Variants in HERC2 observed in about 807,000 individuals in gnomAD.
HERC2 encodes HECT and RLD domain containing E3 ubiquitin protein ligase 2, also known as E3 ubiquitin-protein ligase HERC2.
Under a neutral mutation model 537.7 loss-of-function variants are expected in HERC2, and 102 were observed. The ratio of observed to expected loss-of-function variants is 0.19; its 90% CI spans 0.16 to 0.22. HERC2 has a LOEUF of 0.22. HERC2 is among the 10% of genes least tolerant of loss of function. The pLI is 1.00. For missense variants in HERC2, 4,236 were observed against 6,198.2 expected, an observed-to-expected ratio of 0.68 and a Z score of 10.63; for synonymous variants, 2,224 against 2,466.2, an observed-to-expected ratio of 0.90 and a Z score of 2.91.
rs1893500933 is a variant in HERC2 at position 28,160,674 on chromosome 15, T to G, written c.10746+2420A>C. ...GGAAAGGGAATTCCCTGACCCCTTGTGCTTCCCAGGTGAGGCGATGCCTCG... is the reference window on the plus strand; with the variant it reads ...GGAAAGGGAATTCCCTGACCCCTTGGGCTTCCCAGGTGAGGCGATGCCTCG... On this transcript the variant is annotated intron_variant, in intron 69 of 92. Transcript: ENST00000261609. 2.6e-5 allele frequency among the ~76,000 whole-genome samples: 4 copies of G among 152,378 alleles called. No individual in the cohort carries two copies. The South Asian group carries it at 8.3e-4, about 32-fold the overall frequency.
intron 20 of HERC2, among the ~76,000 whole-genome samples, chr15:28,253,995 A>C (rs1182357551): frequency 6.7e-6 from 1 of 150,102 alleles, no homozygotes; most frequent in Non-Finnish European, 1.5e-5. Flanking sequence ...TAATAAGTAC[A>C]TAAATAGACC....
At chr15:28,216,974 C>T (rs571146702) in intron 38 of HERC2, among the ~76,000 whole-genome samples, 2 of 152,236 alleles carry the variant, frequency 1.3e-5, no homozygotes, top group South Asian at 4.1e-4. Context: ...CTGTTATAAC[C>T]TCCCATTCAC....
chr15:28,317,011 A>C (rs955653194), intron 2 of HERC2, among the ~76,000 whole-genome samples: 1 of 152,106 alleles, frequency 6.6e-6, no homozygotes. Flanking sequence ...TCCTGACCTC[A>C]GCCTCCCAAA....
At chr15:28,239,239 G>A (rs77730423) in intron 23 of HERC2, among the ~76,000 whole-genome samples, 1,701 of 152,158 alleles carry the variant, frequency 0.011, 65 homozygotes, top group East Asian at 0.08. Flanking sequence ...GATCGAAATT[G>A]GTGACATACA....
At chr15:28,250,892 T>A (rs545854323) in intron 20 of HERC2, among the ~76,000 whole-genome samples, 1 of 152,358 alleles carries the variant, frequency 6.6e-6, no homozygotes, top group East Asian at 1.9e-4. Flanking sequence ...TTTCTTTTTC[T>A]ACTTTCCAAA....
Position 28,300,390 on chromosome 15 carries a change from T to A in HERC2, c.73-874A>T, listed in dbSNP as rs2525954. ...ACTTTTGAACTACATATCATTAATA[T>A]AATATACTATAATGAAAAATAAAAT... On this transcript the variant is annotated intron_variant, in intron 2 of 92. Transcript: ENST00000261609. Among the ~76,000 whole-genome samples, 87 of 145,498 alleles carry A rather than the reference T, an allele frequency of 6.0e-4. 3 individuals are homozygous for A. Among genetic ancestry groups the A allele is most frequent in the African/African-American group, 2.4e-3 (84 of 35,136 alleles).
Position 28,220,081 on chromosome 15 carries a change from C to T in HERC2, c.5845+371G>A, listed in dbSNP as rs1160868165. 7.2e-5 allele frequency among the ~76,000 whole-genome samples: 11 copies of T among 152,278 alleles called. No homozygotes were observed. The South Asian group carries it at 1.9e-3, about 26-fold the overall frequency. ...CTCACTGGAGGAGGAGGCAATGGAC[C>T]GAGACCACAGGGCAATTCCACCAGG... On this transcript the variant is annotated intron_variant, in intron 37 of 92. Coordinates refer to ENST00000261609, the MANE Select transcript of HERC2 (RefSeq NM_004667.6).
chr15:28,318,352 C>G (rs562851014), intron 2 of HERC2, among the ~76,000 whole-genome samples: 1 of 152,118 alleles, frequency 6.6e-6, no homozygotes, highest in East Asian at 1.9e-4. Context: ...ACAGGCCGGG[C>G]GCGGTGGCTC....
chr15:28,272,832 G>A (rs563038787), intron 8 of HERC2, 62 bp downstream of exon 8: 4 of 1,077,174 alleles, frequency 3.7e-6, no homozygotes, highest in Non-Finnish European at 5.6e-6. Flanking sequence ...CACACACAAT[G>A]CAACAGGTAT....
At chr15:28,224,623 T>C (rs1021176223) in intron 35 of HERC2, among the ~76,000 whole-genome samples, 2 of 152,114 alleles carry the variant, frequency 1.3e-5, no homozygotes, top group African/African-American at 4.8e-5. Context: ...GCATCTCAGT[T>C]TTAGCCAAAG....
chr15:28,269,223 C>G, intron 11 of HERC2, 25 bp downstream of exon 11: 2 of 1,601,510 alleles, frequency 1.2e-6, no homozygotes, highest in African/African-American at 1.3e-5. Flanking sequence ...GGGAACACTG[C>G]AGGCACAGTG....
intron 3 of HERC2, among the ~76,000 whole-genome samples, chr15:28,293,322 T>C (rs1337426191): frequency 6.6e-6 from 1 of 151,740 alleles, no homozygotes; most frequent in African/African-American, 2.4e-5. Context: ...TGAAACCCCA[T>C]CTCTACTAAA....
At position 28,111,512 on chromosome 15, in the gene HERC2, G is replaced by A. The variant is rs1887642214; in HGVS notation, c.*251C>T. 1 of 552,380 alleles carries A rather than the reference G, an allele frequency of 1.8e-6. No individual in the cohort carries two copies. Among genetic ancestry groups the A allele is most frequent in the Non-Finnish European group, 3.2e-6 (1 of 312,274 alleles). 34.2% of individuals were successfully genotyped at this position (552,380 alleles called of 1,614,324 possible). On this transcript the variant is annotated 3_prime_UTR_variant, in exon 93 of 93. Coordinates refer to ENST00000261609, the MANE Select transcript of HERC2 (RefSeq NM_004667.6). ...ACATTTACACACTTTAGTAAACACA[G>A]TCCTACATGTAATGCAGCATTACGG...
At chr15:28,134,733 C>T (rs1214680966) in intron 79 of HERC2, among the ~76,000 whole-genome samples, 5 of 144,368 alleles carry the variant, frequency 3.5e-5, no homozygotes, top group Non-Finnish European at 6.0e-5. Flanking sequence ...GATGGAGTCT[C>T]GCTCTGTTCC....
At chr15:28,274,699 G>A (rs1351321782) in intron 6 of HERC2, among the ~76,000 whole-genome samples, 1 of 152,132 alleles carries the variant, frequency 6.6e-6, no homozygotes, top group African/African-American at 2.4e-5. Flanking sequence ...TGGGGGTGGG[G>A]GTGCATACAC....
At chr15:28,144,612 T>C in intron 72 of HERC2, 61 bp downstream of exon 72, 1 of 1,610,950 alleles carries the variant, frequency 6.2e-7, no homozygotes, top group Non-Finnish European at 8.5e-7. Context: ...GTGTCCCTGT[T>C]GCTCCAGAAA....
At position 28,169,568 on chromosome 15, in the gene HERC2, T is replaced by A. The variant is rs574591729; in HGVS notation, c.10145A>T (p.Lys3382Met). The change falls in exon 66 of 93, where the codon AAG (lysine) becomes ATG (methionine). Residue 3382 changes from lysine (K) to methionine (M), a missense_variant. Lys to Met is a moderately conservative substitution (Grantham distance 95). This residue lies in a region of HERC2 where 356 missense variants were observed against 450.9 expected (regional missense o/e 0.79). Coordinates refer to ENST00000261609, the MANE Select transcript of HERC2 (RefSeq NM_004667.6). Reference sequence around the variant, plus strand: ...ATTTCCATCCAATGACAAGAGAATCTTGGCAAGAGAAGGGCGATTTGGCTT... The same window carrying A: ...ATTTCCATCCAATGACAAGAGAATCATGGCAAGAGAAGGGCGATTTGGCTT... Reference protein sequence around the residue: ...NSKPNRPSLAKILLSLDGNLA... With the variant: ...NSKPNRPSLAMILLSLDGNLA... The A allele has an allele frequency of 6.2e-7, 1 of 1,613,736 alleles. No homozygotes were observed. The highest frequency in any genetic ancestry group is 2.2e-5 in the East Asian group (1 of 44,862).
intron 52 of HERC2, 143 bp downstream of exon 52, chr15:28,196,072 G>A (rs1413063069): frequency 1.0e-5 from 6 of 592,648 alleles, no homozygotes; most frequent in Non-Finnish European, 1.7e-5. Context: ...GGGTAGGACC[G>A]TCACTTCCGT....
At chr15:28,135,735 A>C in intron 78 of HERC2, 43 bp from the exon 79 acceptor site, 19 of 1,389,436 alleles carry the variant, frequency 1.4e-5, no homozygotes, top group East Asian at 2.3e-5. Flanking sequence ...TTTTAATCTC[A>C]ATATCCCCTA....
Sources: allele counts gnomAD v4.1 joint callset (sites outside exome capture counted in the v4.1 genomes callset), GRCh38; gene constraint gnomAD v4.1.1; regional missense constraint gnomAD v4.1.1; transcripts MANE v1.5; gene names NCBI Gene and HGNC (gene_info 2026-07-23, HGNC 2026-07-21).